RPS29: variants seen among roughly 807,000 people sequenced by gnomAD.
RPS29 encodes ribosomal protein S29.
For missense variants in RPS29, 60 were observed against 75.7 expected (o/e 0.79, Z 0.77); for synonymous variants, 37 against 26.9 (o/e 1.37, Z -1.16).
chr14:49,582,568 GAGA>G (rs561212560), downstream of RPS29, among the ~76,000 whole-genome samples: 64 of 152,276 alleles, frequency 4.2e-4, no homozygotes, highest in African/African-American at 1.3e-3. Flanking sequence ...AAATTCAATT[GAGA>G]AGTTTTCATT....
chr14:49,589,448 A>C (rs1195991547), upstream of RPS29, among the ~76,000 whole-genome samples: 2 of 152,250 alleles, frequency 1.3e-5, no homozygotes, highest in Admixed American at 6.5e-5. Context: ...GTACATTGGA[A>C]TAATATGCAT....
At chr14:49,582,032 A>AAAAAAAAAAAAT (rs1200046125), downstream of RPS29, among the ~76,000 whole-genome samples, 1 of 136,948 alleles carries the variant, frequency 7.3e-6, no homozygotes, top group African/African-American at 2.6e-5. Context: ...AAAAAAAAAA[A>AAAAAAAAAAAAT]AACTTAGTGA....
chr14:49,595,246 G>A (rs1431601738), intron 1 of RPS29, among the ~76,000 whole-genome samples: 1 of 151,910 alleles, frequency 6.6e-6, no homozygotes, highest in African/African-American at 2.4e-5. Context: ...AATGTGCTAG[G>A]GCAAGCAAGT....
intron 1 of RPS29, among the ~76,000 whole-genome samples, chr14:49,592,679 C>G (rs573758245): frequency 3.6e-4 from 55 of 150,696 alleles, no homozygotes; most frequent in Non-Finnish European, 6.5e-4. Context: ...GAGGCCGAGA[C>G]GCGTGGGTCA....
At chr14:49,572,444 G>A (rs1344786393) in exon 3 of RPS29, 1 of 152,106 alleles carries the variant, frequency 6.6e-6, no homozygotes, top group East Asian at 1.9e-4. Context: ...ACTTTTATGA[G>A]CTTTTTTTCA....
At chr14:49,588,405 T>G (rs1391442072), upstream of RPS29, among the ~76,000 whole-genome samples, 1 of 152,378 alleles carries the variant, frequency 6.6e-6, no homozygotes, top group Middle Eastern at 3.4e-3. Flanking sequence ...AGTTTTAAGA[T>G]AATGTGACAC....
chr14:49,575,757 G>A (rs571672857), exon 3 of RPS29: 1 of 152,218 alleles, frequency 6.6e-6, no homozygotes, highest in Non-Finnish European at 1.5e-5. Flanking sequence ...GTCTGAGGTA[G>A]GAGGATTACT....
upstream of RPS29, among the ~76,000 whole-genome samples, chr14:49,589,668 A>C (rs1351617125): frequency 6.6e-6 from 1 of 152,240 alleles, no homozygotes; most frequent in Non-Finnish European, 1.5e-5. Flanking sequence ...TTTGACCAGC[A>C]ATCCCATTAC....
exon 3 of RPS29, chr14:49,576,106 A>G (rs1881172063): frequency 6.9e-6 from 1 of 145,384 alleles, no homozygotes; most frequent in South Asian, 2.2e-4. Flanking sequence ...TTCCTGAGAA[A>G]CAGCTAATAG....
chr14:49,598,631 G>C (rs1047371009), exon 1 of RPS29: 4 of 701,252 alleles, frequency 5.7e-6, no homozygotes, highest in African/African-American at 3.5e-5. Flanking sequence ...ACAGCGGCCC[G>C]ACGTGCGCCC....
chr14:49,583,689 A>G lies in RPS29; in HGVS notation c.163-14T>C. 1 of 1,411,246 alleles carries G rather than the reference A, an allele frequency of 7.1e-7. No homozygotes were observed. The highest frequency in any genetic ancestry group is 1.0e-6 in the Non-Finnish European group (1 of 1,004,568). The allele number at this position is 1,411,246 out of a possible 1,614,324, so 87.4% of individuals were successfully genotyped here. A position where few individuals can be genotyped will look rare whatever the true frequency, so the allele number is the denominator to read the frequency against. On this transcript the variant is annotated splice_polypyrimidine_tract_variant and intron_variant, in intron 2 of 2. Coordinates refer to ENST00000245458, the MANE Select transcript of RPS29 (RefSeq NM_001032.5). The stretch of plus-strand genomic sequence containing the variant: ...CATTTAGTCCAACTGAAAAAAAAAA[A>G]GCAGATGATTTATTTCAAAATGCTT...
intron 1 of RPS29, 23 bp downstream of exon 1, chr14:49,586,262 C>T (rs756876789): frequency 3.7e-6 from 6 of 1,612,402 alleles, no homozygotes; most frequent in Non-Finnish European, 5.1e-6. Flanking sequence ...AACGCTTCCC[C>T]AAAATCACAA....
exon 1 of RPS29, chr14:49,598,400 C>A (rs1333401501): frequency 1.5e-6 from 1 of 688,716 alleles, no homozygotes; most frequent in African/African-American, 1.7e-5. Flanking sequence ...ATCCACCTAC[C>A]CGCCATGAAA....
chr14:49,580,809 C>T (rs753265446), downstream of RPS29, among the ~76,000 whole-genome samples: 28 of 151,178 alleles, frequency 1.9e-4, no homozygotes, highest in Non-Finnish European at 3.7e-4. Context: ...CGCCTGAACC[C>T]GGGAGGCAGA....
At chr14:49,576,726 T>C (rs527898727) in exon 3 of RPS29, 1 of 151,890 alleles carries the variant, frequency 6.6e-6, no homozygotes, top group East Asian at 1.9e-4. Flanking sequence ...GATAACTGAA[T>C]CATGGGAGCG....
intron 1 of RPS29, among the ~76,000 whole-genome samples, chr14:49,591,561 C>T (rs1171816704): frequency 6.6e-6 from 1 of 152,002 alleles, no homozygotes; most frequent in African/African-American, 2.4e-5. Flanking sequence ...ATCCACCCGC[C>T]TCAGCCTCCC....
chr14:49,578,330 C>T (rs2139503716), intron 2 of RPS29, among the ~76,000 whole-genome samples: 1 of 152,190 alleles, frequency 6.6e-6, no homozygotes. Context: ...TATCTGGATA[C>T]TCAATCTCTA....
At chr14:49,581,830 A>G (rs1594569618), downstream of RPS29, among the ~76,000 whole-genome samples, 1 of 151,952 alleles carries the variant, frequency 6.6e-6, no homozygotes, top group South Asian at 2.1e-4. Flanking sequence ...GGAGTTCAAG[A>G]CCAGCCTGGA....
intron 2 of RPS29, chr14:49,577,937 C>G (rs1881231811): frequency 2.2e-6 from 2 of 923,332 alleles, no homozygotes. Context: ...GCATGCCTGC[C>G]CTGTGAAACA....
Sources: gnomAD v4.1 joint callset for allele counts (sites outside exome capture counted in the v4.1 genomes callset) on GRCh38, gnomAD v4.1.1 for gene constraint, MANE v1.5 for transcripts, NCBI Gene and HGNC (gene_info 2026-07-23, HGNC 2026-07-21) for gene names.